RDH13: variants seen among roughly 807,000 people sequenced by gnomAD.
RDH13 encodes retinol dehydrogenase 13, also known as retinol dehydrogenase 13 (all-trans and 9-cis).
Under a neutral mutation model 28.3 loss-of-function variants are expected in RDH13, and 35 were observed. The observed-to-expected ratio is 1.24, with a 90% CI of 0.95 to 1.64. The LOEUF (loss-of-function observed/expected upper bound fraction) is 1.64. Among genes scored for constraint, RDH13 ranks in the 40% most tolerant of loss-of-function variants. The probability of loss-of-function intolerance (pLI) is 0.00; values close to 1 mark genes in which losing one functional copy is unlikely to be tolerated. For missense variants in RDH13, 514 were observed against 446.3 expected (o/e 1.15, Z -1.37); for synonymous variants, 229 against 198.5 (o/e 1.15, Z -1.29).
intron 6 of RDH13, chr19:55,046,982 C>G (rs939958514): frequency 1.0e-5 from 3 of 294,722 alleles, no homozygotes; most frequent in African/African-American, 4.4e-5. Flanking sequence ...CTCGTATAAC[C>G]CCCCCAGTGA....
rs1275144939 is a variant in RDH13, at chr19:55,062,044, G to T, written c.65+924C>A. Among the ~76,000 whole-genome samples the T allele has an allele frequency of 2.6e-5, 4 of 152,216 alleles. No individual in the cohort carries two copies. The East Asian group carries it at 5.8e-4, about 22-fold the overall frequency. ...AGGCCGGACAATCGCTTGAACCCGG[G>T]AGGTGGAGGTTGTGGTGAGCCGAGG... On this transcript the variant is annotated intron_variant, in intron 1 of 6. Transcript: ENST00000415061.
chr19:55,049,503 G>A (rs974464799), intron 3 of RDH13, among the ~76,000 whole-genome samples: 4 of 152,138 alleles, frequency 2.6e-5, no homozygotes, highest in African/African-American at 7.2e-5. Context: ...AAACCTCACA[G>A]ACCTGGCCGG....
At chr19:55,042,555 C>T (rs1051288795), downstream of RDH13, 1 of 152,154 alleles carries the variant, frequency 6.6e-6, no homozygotes, top group Admixed American at 6.5e-5. Context: ...TGAGGTTATC[C>T]TCGGCCCACC....
At position 55,062,974 on chromosome 19, in the gene RDH13, AGCACG is replaced by A; in HGVS notation, c.54_58del (p.Val19AlafsTer56). The A allele has an allele frequency of 6.8e-7, 1 of 1,479,198 alleles. No homozygotes were observed. The highest frequency in any genetic ancestry group is 8.9e-7 in the Non-Finnish European group (1 of 1,117,530). 91.6% of individuals were successfully genotyped at this position (1,479,198 alleles called of 1,614,324 possible). On this transcript the variant is annotated frameshift_variant, in exon 1 of 7. Coordinates refer to ENST00000415061, the MANE Select transcript of RDH13 (RefSeq NM_001145971.2). LOFTEE classifies it high-confidence loss of function. ...GGGGCTAGAATGTACTCACTTGAGC[AGCACG>A]GCGGCGCCTGCTACCGTGCCCAGCG...
At chr19:55,040,103 TG>T (rs2074985156), downstream of RDH13, among the ~76,000 whole-genome samples, 1 of 152,200 alleles carries the variant, frequency 6.6e-6, no homozygotes, top group African/African-American at 2.4e-5. Context: ...GGATCCATAG[TG>T]GTGATGGTTA....
chr19:55,057,743 T>C (rs2075684837), intron 2 of RDH13, among the ~76,000 whole-genome samples: 1 of 152,000 alleles, frequency 6.6e-6, no homozygotes, highest in Admixed American at 6.6e-5. Context: ...CTCCAATTTT[T>C]TTTGTTGTGG....
Position 55,056,675 on chromosome 19 carries a change from C to G in RDH13, c.318G>C (p.Glu106Asp), listed in dbSNP as rs761082402. The G allele has an allele frequency of 3.1e-6, 5 of 1,614,054 alleles. No individual in the cohort carries two copies. In the South Asian group the frequency reaches 3.3e-5, roughly 11 times the overall value. Residue 106 changes from glutamate (E) to aspartate (D), a missense_variant, in exon 3 of 7, where the codon GAG becomes GAC. By Grantham distance (45) the Glu-to-Asp change is conservative. Coordinates refer to ENST00000415061, the MANE Select transcript of RDH13 (RefSeq NM_001145971.2). ...LDLASLKSIREFAAKIIEEEE... is the reference protein window; with the variant it reads ...LDLASLKSIRDFAAKIIEEEE... ...TACCTTCAATGATCTTTGCTGCAAA[C>G]TCTCGGATAGACTTGAGGGAAGCCA...
rs574894321 is a variant in RDH13, at chr19:55,052,412, C to T, written c.341-3649G>A. Among the ~76,000 whole-genome samples, 347 of 151,164 alleles carry T rather than the reference C, an allele frequency of 2.3e-3. 1 individual carries two copies. The highest frequency in any genetic ancestry group is 3.9e-3 in the Non-Finnish European group (267 of 67,836). On this transcript the variant is annotated intron_variant, in intron 3 of 6. Transcript: ENST00000415061. The stretch of plus-strand genomic sequence containing the variant: ...ATACAAAATTAGCCGGGCGTGGTGG[C>T]GCATGCCTGTAATCCCAGCTACTCG...
intron 1 of RDH13, among the ~76,000 whole-genome samples, chr19:55,060,236 T>C (rs1671182): frequency 0.75 from 111,199 of 147,786 alleles, 42,106 homozygotes; most frequent in East Asian, 0.94. Context: ...GTATAAAACC[T>C]GATTGTACAT....
chr19:55,052,945 A>AGCCTGCAC (rs1568708088), intron 3 of RDH13, among the ~76,000 whole-genome samples: 4 of 151,232 alleles, frequency 2.6e-5, no homozygotes, highest in African/African-American at 4.9e-5. Context: ...TACAGGCGTG[A>AGCCTGCAC]GCCTGCACGC....
chr19:55,059,235 TG>T lies in RDH13; in HGVS notation c.105del (p.Ile36SerfsTer8). 1 of 1,605,050 alleles carries T rather than the reference TG, an allele frequency of 6.2e-7. No homozygotes were observed. The highest frequency in any genetic ancestry group is 8.5e-7 in the Non-Finnish European group (1 of 1,175,954). ...GTCACGATGACCGTCTTCCCAGGGATGGTGGCCTTGCTGGGGCAAGCCCCAC... is the reference window on the plus strand; with the variant it reads ...GTCACGATGACCGTCTTCCCAGGGATGTGGCCTTGCTGGGGCAAGCCCCAC... The part of the protein sequence containing the change: ...VTGGACPSKA[T>X]IPGKTVIVTG... On this transcript the variant is annotated frameshift_variant, in exon 2 of 7. Coordinates refer to ENST00000415061, the MANE Select transcript of RDH13 (RefSeq NM_001145971.2). LOFTEE classifies it high-confidence loss of function.
downstream of RDH13, chr19:55,041,875 C>T (rs1339941083): frequency 2.0e-5 from 3 of 152,236 alleles, no homozygotes; most frequent in Admixed American, 6.6e-5. Context: ...GGGTGACACT[C>T]CGCTACCGAA....
intron 1 of RDH13, among the ~76,000 whole-genome samples, chr19:55,061,991 C>T (rs1163728824): frequency 6.6e-6 from 1 of 152,002 alleles, no homozygotes; most frequent in Admixed American, 6.6e-5. Flanking sequence ...GTGGCACATG[C>T]CTGTAATCCC....
In RDH13 at chr19:55,056,809, C is replaced by T; in HGVS notation, c.185-1G>A. On this transcript the variant is annotated splice_acceptor_variant, in intron 2 of 6. Transcript: ENST00000415061. LOFTEE classifies it high-confidence loss of function. The stretch of plus-strand genomic sequence containing the variant: ...CGGCAGGCCAGGATGATGTTGCCTC[C>T]TGAAAACCCAGGATGGAAAAAGATT... 6.2e-7 allele frequency: 1 copy of T among 1,613,324 alleles called. No homozygotes were observed. The highest frequency in any genetic ancestry group is 8.5e-7 in the Non-Finnish European group (1 of 1,179,470).
At chr19:55,059,419 C>T (rs2147063508) in intron 1 of RDH13, 144 bp from the exon 2 acceptor site, 1 of 615,200 alleles carries the variant, frequency 1.6e-6, no homozygotes, top group Non-Finnish European at 2.9e-6. Flanking sequence ...CACCAAGGGA[C>T]CTCTGTCATG....
At chr19:55,066,821 C>T (rs561051150), upstream of RDH13, among the ~76,000 whole-genome samples, 8 of 152,036 alleles carry the variant, frequency 5.3e-5, no homozygotes, top group African/African-American at 1.9e-4. Context: ...AGTTTAGCGA[C>T]CCTGTGGCTG....
chr19:55,052,063 CTTTTTTTTT>C (rs111427426), intron 3 of RDH13, among the ~76,000 whole-genome samples: 20 of 120,764 alleles, frequency 1.7e-4, no homozygotes, highest in Admixed American at 1.3e-3. Context: ...ACTGCCTCAA[CTTTTTTTTT>C]TTTTTTTTTT....
rs770029344 is a variant in RDH13 at position 55,047,345 on chromosome 19, G to A, written c.760+42C>T. ...GGCCCTGGGCTGAGAAAGCAGGGGT[G>A]GAGGGCTCCACGTGGAGACCCCAGG... On this transcript the variant is annotated intron_variant, in intron 6 of 6. Transcript: ENST00000415061. 4 of 1,595,806 alleles carry A rather than the reference G, an allele frequency of 2.5e-6. No individual in the cohort carries two copies. In the South Asian group the frequency reaches 3.4e-5, roughly 13 times the overall value.
At position 55,059,179 on chromosome 19, in the gene RDH13, G is replaced by A. The variant is rs189747727; in HGVS notation, c.162C>T (p.Thr54=). Reference sequence around the variant, plus strand: ...TACCTCTCCTGGCCAGTTCCAAGGCGGTCTGCTTCCCGATGCCTGTGTTGG... The same window carrying A: ...TACCTCTCCTGGCCAGTTCCAAGGCAGTCTGCTTCCCGATGCCTGTGTTGG... The part of the protein sequence containing the change: ...TGANTGIGKQ[T]ALELARRGGN... The change falls in exon 2 of 7, where the codon ACC becomes ACT. Residue 54 remains threonine (T), a synonymous_variant. Coordinates refer to ENST00000415061, the MANE Select transcript of RDH13 (RefSeq NM_001145971.2). 429 of 1,598,082 alleles carry A rather than the reference G, an allele frequency of 2.7e-4. 2 individuals are homozygous for A. Among genetic ancestry groups the A allele is most frequent in the Admixed American group, 8.7e-5 (5 of 57,726 alleles).
Sources: allele counts gnomAD v4.1 joint callset (sites outside exome capture counted in the v4.1 genomes callset), GRCh38; gene constraint gnomAD v4.1.1; transcripts MANE v1.5; gene names NCBI Gene and HGNC (gene_info 2026-07-23, HGNC 2026-07-21).